The following TRAPPC6A variants were observed in gnomAD, a reference collection of about 807,000 sequenced individuals.
The protein encoded by TRAPPC6A is TRAPP complex subunit 6A.
A neutral mutation model predicts 20.8 loss-of-function variants in TRAPPC6A; 25 were observed. The ratio of observed to expected loss-of-function variants is 1.20; its 90% CI spans 0.88 to 1.68. TRAPPC6A has a LOEUF of 1.68. Ranked by LOEUF, TRAPPC6A falls within the 40% of genes most tolerant of loss-of-function variation. The pLI is 0.00. For synonymous variants in TRAPPC6A, 96 were observed against 93.3 expected (o/e 1.03, Z -0.16); for missense variants, 215 against 211.6 (o/e 1.02, Z -0.10).
rs1279320089 is a variant in TRAPPC6A, at chr19:45,163,984, A to G, written c.380T>C (p.Leu127Pro). The stretch of plus-strand genomic sequence containing the variant: ...GCCCAGGGTATAGAGGGCGCCGCGC[A>G]GGAGGCCGCAGGTGAAGGCCAGGAA... ...PKFLAFTCGL[L>P]RGALYTLGIE... The change falls in exon 5 of 6, where the codon CTG (leucine) becomes CCG (proline). Residue 127 changes from leucine to proline, a missense_variant. Leu to Pro is a moderately conservative substitution (Grantham distance 98). Coordinates refer to ENST00000585934, the MANE Select transcript of TRAPPC6A (RefSeq NM_001270891.2). The surrounding 1 kb of genome is among the most constrained non-coding windows in gnomAD (Gnocchi z 5.3). 1 of 1,576,130 alleles carries G rather than the reference A, an allele frequency of 6.3e-7. No homozygotes were observed. The highest frequency in any genetic ancestry group is 1.9e-5 in the Admixed American group (1 of 52,746).
At chr19:45,168,667 C>A (rs184229638) in intron 1 of TRAPPC6A, among the ~76,000 whole-genome samples, 2 of 152,346 alleles carry the variant, frequency 1.3e-5, no homozygotes, top group Admixed American at 1.3e-4. Flanking sequence ...GACCGGCATA[C>A]TGTGTGGCAG....
chr19:45,166,824 A>G (rs1969164213), intron 1 of TRAPPC6A, among the ~76,000 whole-genome samples: 2 of 151,986 alleles, frequency 1.3e-5, no homozygotes, highest in Admixed American at 1.3e-4. Flanking sequence ...TCCTCCCTCC[A>G]GGGCTGCACC....
intron 1 of TRAPPC6A, among the ~76,000 whole-genome samples, chr19:45,176,318 G>A (rs1162481829): frequency 6.6e-6 from 1 of 150,956 alleles, no homozygotes; most frequent in East Asian, 1.9e-4. Context: ...AACAAAATTA[G>A]CCGGGTGTGG....
In TRAPPC6A at chr19:45,173,279, G is replaced by A. The variant is rs1180810620; in HGVS notation, c.84+4856C>T. On this transcript the variant is annotated intron_variant, in intron 1 of 5. Coordinates refer to ENST00000585934, the MANE Select transcript of TRAPPC6A (RefSeq NM_001270891.2). This position sits in a 1 kb window ranked among gnomAD's most constrained non-coding sequence, Gnocchi z 4.8. ...CCTGGCCCCTCTGGCCGGTCCTCCA[G>A]TTCACAACCTGTGACAGCCCAGGAG... 1.2e-4 allele frequency among the ~76,000 whole-genome samples: 18 copies of A among 151,750 alleles called. No homozygotes were observed. The highest frequency in any genetic ancestry group is 7.2e-4 in the Admixed American group (11 of 15,238).
At chr19:45,175,844 C>T (rs1217919885) in intron 1 of TRAPPC6A, among the ~76,000 whole-genome samples, 5 of 152,050 alleles carry the variant, frequency 3.3e-5, no homozygotes, top group Non-Finnish European at 5.9e-5. Flanking sequence ...TATTACCCAC[C>T]CCCAGGCTGA....
chr19:45,171,653 A>C (rs1293283051), intron 1 of TRAPPC6A, among the ~76,000 whole-genome samples: 1 of 152,226 alleles, frequency 6.6e-6, no homozygotes, highest in Non-Finnish European at 1.5e-5. Flanking sequence ...GAAAAACAGG[A>C]GGGAGGAAAA....
chr19:45,172,585 G>A lies in TRAPPC6A; in HGVS notation c.84+5550C>T, dbSNP rs1169610018. Among the ~76,000 whole-genome samples the A allele has an allele frequency of 6.6e-6, 1 of 151,596 alleles. No homozygotes were observed. The highest frequency in any genetic ancestry group is 6.6e-5 in the Admixed American group (1 of 15,248). Reference sequence around the variant, plus strand: ...CTGGCACACAGATGGGTGAGTGAGGGGTGGGTGCGAGAAGCCTGCAGGACT... The same window carrying A: ...CTGGCACACAGATGGGTGAGTGAGGAGTGGGTGCGAGAAGCCTGCAGGACT... On this transcript the variant is annotated intron_variant, in intron 1 of 5. Transcript: ENST00000585934. The surrounding 1 kb of genome is among the most constrained non-coding windows in gnomAD (Gnocchi z 4.2).
intron 1 of TRAPPC6A, among the ~76,000 whole-genome samples, chr19:45,176,805 G>A (rs1318841694): frequency 6.6e-6 from 1 of 151,716 alleles, no homozygotes; most frequent in East Asian, 1.9e-4. Flanking sequence ...AGGCCGAGGC[G>A]GGTGGATCAC....
chr19:45,167,004 G>C (rs1300752499), intron 1 of TRAPPC6A, among the ~76,000 whole-genome samples: 1 of 152,132 alleles, frequency 6.6e-6, no homozygotes, highest in Non-Finnish European at 1.5e-5. Context: ...CATTCGCTCA[G>C]ACTTCTGAGC....
At position 45,163,224 on chromosome 19, in the gene TRAPPC6A, C is replaced by G; in HGVS notation, c.449-1G>C. Reference sequence around the variant, plus strand: ...TTCGGAATCACCACCTGGAACTTACCTGGAAGAGAAGGCCTGGCTTAGGCT... The same window carrying G: ...TTCGGAATCACCACCTGGAACTTACGTGGAAGAGAAGGCCTGGCTTAGGCT... On this transcript the variant is annotated splice_acceptor_variant, in intron 5 of 5. Transcript: ENST00000585934. LOFTEE classifies it high-confidence loss of function. This position sits in a 1 kb window ranked among gnomAD's most constrained non-coding sequence, Gnocchi z 5.3. 1 of 1,613,890 alleles carries G rather than the reference C, an allele frequency of 6.2e-7. No homozygotes were observed. The highest frequency in any genetic ancestry group is 8.5e-7 in the Non-Finnish European group (1 of 1,179,864).
Position 45,163,263 on chromosome 19 carries a change from G to C in TRAPPC6A, c.449-40C>G, listed in dbSNP as rs775500203. ...CTGGCTTAGGCTTGAGGATGGGATG[G>C]GGGAGGCAGAGGGCACCTGGACGGC... On this transcript the variant is annotated intron_variant, in intron 5 of 5. Coordinates refer to ENST00000585934, the MANE Select transcript of TRAPPC6A (RefSeq NM_001270891.2). This position sits in a 1 kb window ranked among gnomAD's most constrained non-coding sequence, Gnocchi z 5.3. The C allele has an allele frequency of 4.7e-5, 75 of 1,612,316 alleles. No individual in the cohort carries two copies. The highest frequency in any genetic ancestry group is 1.6e-4 in the Middle Eastern group (1 of 6,076).
At chr19:45,174,029 G>A (rs904341891) in intron 1 of TRAPPC6A, among the ~76,000 whole-genome samples, 2 of 152,138 alleles carry the variant, frequency 1.3e-5, no homozygotes, top group South Asian at 2.1e-4. Flanking sequence ...TCCCACACTC[G>A]CTTGACCACA....
chr19:45,167,993 C>CTTT (rs968943946), intron 1 of TRAPPC6A, among the ~76,000 whole-genome samples: 12 of 99,972 alleles, frequency 1.2e-4, no homozygotes, highest in Non-Finnish European at 1.8e-4. Context: ...AAGACCCTGT[C>CTTT]TTTTTTTTTT....
intron 1 of TRAPPC6A, among the ~76,000 whole-genome samples, chr19:45,176,004 T>C (rs1479914438): frequency 1.3e-5 from 2 of 152,122 alleles, no homozygotes; most frequent in Non-Finnish European, 2.9e-5. Flanking sequence ...ATCCCCATGT[T>C]TTTTTAGAGA....
At chr19:45,166,657 G>C (rs1969159942) in intron 1 of TRAPPC6A, among the ~76,000 whole-genome samples, 1 of 152,108 alleles carries the variant, frequency 6.6e-6, no homozygotes, top group Admixed American at 6.6e-5. Flanking sequence ...GAGCAGAAGT[G>C]GGGGAACAGA....
At chr19:45,176,633 T>G (rs1181993366) in intron 1 of TRAPPC6A, among the ~76,000 whole-genome samples, 1 of 152,070 alleles carries the variant, frequency 6.6e-6, no homozygotes, top group Non-Finnish European at 1.5e-5. Flanking sequence ...CATTTTTGAT[T>G]TATGATGTTT....
intron 1 of TRAPPC6A, among the ~76,000 whole-genome samples, chr19:45,176,167 A>C (rs1969368807): frequency 1.3e-5 from 2 of 151,840 alleles, no homozygotes; most frequent in Non-Finnish European, 2.9e-5. Context: ...TAATTTTAAA[A>C]ATTTCTTGGC....
At chr19:45,175,653 G>C (rs965368119) in intron 1 of TRAPPC6A, among the ~76,000 whole-genome samples, 5 of 152,096 alleles carry the variant, frequency 3.3e-5, no homozygotes, top group African/African-American at 1.2e-4. Flanking sequence ...AAGGGAGCAG[G>C]CTCATTTCAC....
At chr19:45,171,299 C>CTCAAA (rs1555749991) in intron 1 of TRAPPC6A, among the ~76,000 whole-genome samples, 1,889 of 149,942 alleles carry the variant, frequency 0.013, 42 homozygotes, top group African/African-American at 0.038. Flanking sequence ...GAGACTCAGT[C>CTCAAA]ACAAAACAAA....
Sources: allele counts gnomAD v4.1 joint callset (sites outside exome capture counted in the v4.1 genomes callset), GRCh38; gene constraint gnomAD v4.1.1; non-coding constraint Gnocchi (gnomAD v3.1); transcripts MANE v1.5; gene names NCBI Gene and HGNC (gene_info 2026-07-23, HGNC 2026-07-21).